The following ENTREP2 variants were observed in gnomAD, a reference collection of about 807,000 sequenced individuals.
ENTREP2 encodes endosomal transmembrane epsin interactor 2.
chr15:29,554,036 C>T, the ENTREP2 span, among the ~76,000 whole-genome samples: 5 of 151,912 alleles, frequency 3.3e-5, no homozygotes, highest in South Asian at 4.2e-4. Flanking sequence ...GGAAGGGGGC[C>T]GTGCACGGTG....
the ENTREP2 span, chr15:29,234,965 C>T: frequency 6.7e-7 from 1 of 1,503,540 alleles, no homozygotes; most frequent in Non-Finnish European, 9.3e-7. Flanking sequence ...GTCATTCCAA[C>T]AGATTGTATT....
At chr15:29,564,777 C>T in the ENTREP2 span, among the ~76,000 whole-genome samples, 2 of 152,198 alleles carry the variant, frequency 1.3e-5, no homozygotes, top group Non-Finnish European at 2.9e-5. Flanking sequence ...CCTTCTGATG[C>T]TGGTGGTTTG....
chr15:29,498,173 C>T, the ENTREP2 span, among the ~76,000 whole-genome samples: 3 of 152,240 alleles, frequency 2.0e-5, no homozygotes, highest in African/African-American at 4.8e-5. Context: ...CTTGTTTCCC[C>T]TTCACCTTCT....
At chr15:29,302,798 C>T in the ENTREP2 span, among the ~76,000 whole-genome samples, 1 of 152,148 alleles carries the variant, frequency 6.6e-6, no homozygotes, top group Admixed American at 6.5e-5. Context: ...TTGAAATATT[C>T]GCTTTTTTTA....
At chr15:29,421,484 G>GA in the ENTREP2 span, among the ~76,000 whole-genome samples, 2 of 152,160 alleles carry the variant, frequency 1.3e-5, no homozygotes, top group Non-Finnish European at 2.9e-5. Flanking sequence ...AAGTCCCAGG[G>GA]AAAAAAGCTG....
At chr15:29,240,917 T>C in the ENTREP2 span, among the ~76,000 whole-genome samples, 325 of 152,308 alleles carry the variant, frequency 2.1e-3, 2 homozygotes, top group African/African-American at 7.4e-3. Context: ...ATCATCATCA[T>C]GATCATCATG....
chr15:29,603,035 C>T, the ENTREP2 span, among the ~76,000 whole-genome samples: 1 of 152,130 alleles, frequency 6.6e-6, no homozygotes, highest in South Asian at 2.1e-4. Context: ...CACGAGATGG[C>T]CCAATGACGA....
At chr15:29,608,055 T>C in the ENTREP2 span, among the ~76,000 whole-genome samples, 22 of 152,124 alleles carry the variant, frequency 1.4e-4, no homozygotes, top group Non-Finnish European at 2.9e-4. Flanking sequence ...AGGCCAGTCT[T>C]GCCTTTTCAC....
At chr15:29,331,284 G>A in the ENTREP2 span, among the ~76,000 whole-genome samples, 10 of 152,284 alleles carry the variant, frequency 6.6e-5, no homozygotes, top group Admixed American at 2.6e-4. Flanking sequence ...CAGGCCCGCC[G>A]GGAGGAGGGA....
At chr15:29,379,801 T>C in the ENTREP2 span, among the ~76,000 whole-genome samples, 119 of 152,008 alleles carry the variant, frequency 7.8e-4, no homozygotes, top group Non-Finnish European at 1.2e-3. Flanking sequence ...GCGGGGGTGA[T>C]TGGGTGATGG....
chr15:29,335,749 G>C, the ENTREP2 span, among the ~76,000 whole-genome samples: 1 of 152,206 alleles, frequency 6.6e-6, no homozygotes, highest in African/African-American at 2.4e-5. Flanking sequence ...CCTGAGAGCT[G>C]GCTCTCCATT....
At chr15:29,296,286 G>A in the ENTREP2 span, among the ~76,000 whole-genome samples, 1 of 152,228 alleles carries the variant, frequency 6.6e-6, no homozygotes, top group African/African-American at 2.4e-5. Flanking sequence ...CAGTGGAGGT[G>A]ATGAGAAATA....
At chr15:29,136,260 G>A in the ENTREP2 span, 4 of 1,264,188 alleles carry the variant, frequency 3.2e-6, no homozygotes, top group African/African-American at 1.5e-5. Flanking sequence ...TCACCTCACA[G>A]CCAGCTCGGA....
At chr15:29,572,699 C>T in the ENTREP2 span, among the ~76,000 whole-genome samples, 1 of 151,786 alleles carries the variant, frequency 6.6e-6, no homozygotes, top group Non-Finnish European at 1.5e-5. Context: ...TAGTATACAC[C>T]CACTATGTGC....
At chr15:29,241,725 C>G in the ENTREP2 span, among the ~76,000 whole-genome samples, 2,675 of 152,190 alleles carry the variant, frequency 0.018, 68 homozygotes, top group African/African-American at 0.061. Context: ...ATGGGAAATC[C>G]CAAACTTCTG....
the ENTREP2 span, among the ~76,000 whole-genome samples, chr15:29,618,486 T>C: frequency 1.3e-5 from 2 of 151,394 alleles, no homozygotes; most frequent in African/African-American, 4.9e-5. Context: ...GGGTCCTAAA[T>C]CTGCTTTCCC....
chr15:29,633,355 A>G, the ENTREP2 span, among the ~76,000 whole-genome samples: 2 of 152,208 alleles, frequency 1.3e-5, no homozygotes, highest in African/African-American at 4.8e-5. Flanking sequence ...TTGAAAGAAA[A>G]GAAAATCAAC....
the ENTREP2 span, among the ~76,000 whole-genome samples, chr15:29,170,035 C>T: frequency 3.8e-4 from 58 of 152,094 alleles, no homozygotes; most frequent in African/African-American, 9.2e-4. Context: ...AGGCCGGGTG[C>T]GGTGGCTCAT....
chr15:29,434,624 G>C, the ENTREP2 span, among the ~76,000 whole-genome samples: 2 of 152,108 alleles, frequency 1.3e-5, no homozygotes, highest in Non-Finnish European at 2.9e-5. Flanking sequence ...ACTCTCGCAG[G>C]TTTGACCTGA....
Sources: allele counts gnomAD v4.1 joint callset (sites outside exome capture counted in the v4.1 genomes callset), GRCh38; gene constraint gnomAD v4.1.1; transcripts MANE v1.5; gene names NCBI Gene and HGNC (gene_info 2026-07-23, HGNC 2026-07-21).